The following COL28A1 variants were observed in gnomAD, a reference collection of about 807,000 sequenced individuals.
COL28A1 encodes collagen alpha-1(XXVIII) chain.
COL28A1 carries 161 observed loss-of-function variants against 150.2 expected under a neutral mutation model. That is an observed-to-expected ratio of 1.07 (90% CI 0.94 to 1.22). COL28A1 has a LOEUF of 1.22. COL28A1 is among the 50% of genes most tolerant of loss of function. COL28A1 has a pLI of 0.00. For synonymous variants in COL28A1, 552 were observed against 469.7 expected (o/e 1.18, Z -2.26); for missense variants, 1,617 against 1,388.3 (o/e 1.16, Z -2.62).
rs533343862 is a variant in COL28A1 at position 7,409,164 on chromosome 7, G to T, written c.2136+8695C>A. Among the ~76,000 whole-genome samples, 4 of 152,246 alleles carry T rather than the reference G, an allele frequency of 2.6e-5. No individual in the cohort carries two copies. In the South Asian group the frequency reaches 8.3e-4, roughly 32 times the overall value. On this transcript the variant is annotated intron_variant, in intron 27 of 34. Coordinates refer to ENST00000399429, the MANE Select transcript of COL28A1 (RefSeq NM_001037763.3). ...AAAATACCTCTTACCTTGCTAAAAG[G>T]AGATGGAGAAAAATTTATACTAGTA...
At chr7:7,538,243 T>G (rs1487356193), upstream of COL28A1, among the ~76,000 whole-genome samples, 1 of 152,202 alleles carries the variant, frequency 6.6e-6, no homozygotes, top group Non-Finnish European at 1.5e-5. Context: ...CAGATGGTCT[T>G]GAATTAGTAT....
At chr7:7,478,815 C>T (rs1385838057) in intron 13 of COL28A1, among the ~76,000 whole-genome samples, 1 of 152,256 alleles carries the variant, frequency 6.6e-6, no homozygotes, top group Admixed American at 6.5e-5. Flanking sequence ...CCCGGGGCGG[C>T]AGGGCCAGTC....
At chr7:7,436,193 AC>A (rs1785329037) in intron 23 of COL28A1, among the ~76,000 whole-genome samples, 1 of 152,242 alleles carries the variant, frequency 6.6e-6, no homozygotes, top group Non-Finnish European at 1.5e-5. Flanking sequence ...CAAAAATTTA[AC>A]CATAAGAGCT....
rs1355740575 is a variant in COL28A1 at position 7,397,608 on chromosome 7, G to A, written c.2137-15996C>T. 3.3e-5 allele frequency among the ~76,000 whole-genome samples: 5 copies of A among 152,154 alleles called. No individual in the cohort carries two copies. The East Asian group carries it at 7.7e-4, about 23-fold the overall frequency. On this transcript the variant is annotated intron_variant, in intron 27 of 34. Transcript: ENST00000399429. The stretch of plus-strand genomic sequence containing the variant: ...GCAAGTTAACTTAATTTGCACTCTA[G>A]GGATGCTAAGTTAACACTTGAAATA...
At chr7:7,453,562 C>T in intron 16 of COL28A1, 54 bp from the exon 17 acceptor site, 1 of 830,060 alleles carries the variant, frequency 1.2e-6, no homozygotes, top group South Asian at 1.4e-5. Context: ...AGTTTCAAAT[C>T]CTCTAAAGTG....
At chr7:7,538,966 T>C (rs76801874), upstream of COL28A1, among the ~76,000 whole-genome samples, 13 of 152,306 alleles carry the variant, frequency 8.5e-5, no homozygotes, top group East Asian at 2.3e-3. Flanking sequence ...TTTTTTCTTT[T>C]TCTTTCTTTC....
chr7:7,452,392 T>G lies in COL28A1; in HGVS notation c.1441-5A>C. 2 of 1,592,274 alleles carry G rather than the reference T, an allele frequency of 1.3e-6. No homozygotes were observed. The highest frequency in any genetic ancestry group is 1.4e-5 in the African/African-American group (1 of 73,360). Reference sequence around the variant, plus strand: ...TCCCATTTGGCCTACTTCTCCCTAGTAAGAAAAGAGTTTAATACAGCAGCA... The same window carrying G: ...TCCCATTTGGCCTACTTCTCCCTAGGAAGAAAAGAGTTTAATACAGCAGCA... On this transcript the variant is annotated splice_polypyrimidine_tract_variant and splice_region_variant and intron_variant, in intron 17 of 34. Transcript: ENST00000399429.
intron 30 of COL28A1, among the ~76,000 whole-genome samples, chr7:7,376,508 G>C (rs1219839660): frequency 6.6e-6 from 1 of 152,050 alleles, no homozygotes; most frequent in East Asian, 1.9e-4. Context: ...GCAGTGCTGA[G>C]TTATATAATA....
chr7:7,522,875 A>T (rs987086627), intron 4 of COL28A1, among the ~76,000 whole-genome samples: 2 of 149,106 alleles, frequency 1.3e-5, no homozygotes, highest in East Asian at 4.0e-4. Context: ...TAAAAAGTTT[A>T]TAAATTTGTG....
rs1183567971 is a variant in COL28A1 at position 7,437,442 on chromosome 7, G to T, written c.1743C>A (p.Gly581=). 6.2e-7 allele frequency: 1 copy of T among 1,613,420 alleles called. No individual in the cohort carries two copies. Among genetic ancestry groups the T allele is most frequent in the Admixed American group, 1.7e-5 (1 of 59,962 alleles). ...EGPKGEPGIM[G]PFGMPGTSIP... is the part of the protein sequence containing the mutation. ...TTGATGTTCCAGGCATTCCAAAAGG[G>T]CCCATAATGCCCGGTTCACCCTTAA... Residue 581 remains glycine (G), a synonymous_variant, in exon 22 of 35, where the codon GGC becomes GGA. Coordinates refer to ENST00000399429, the MANE Select transcript of COL28A1 (RefSeq NM_001037763.3).
chr7:7,525,595 A>G (rs1415939798), intron 3 of COL28A1, among the ~76,000 whole-genome samples: 1 of 152,260 alleles, frequency 6.6e-6, no homozygotes, highest in Non-Finnish European at 1.5e-5. Flanking sequence ...GATATTAAAA[A>G]TGCAGAAGCT....
chr7:7,531,405 A>T lies in COL28A1; in HGVS notation c.624T>A (p.Ser208Arg). The change falls in exon 3 of 35, where the codon AGT becomes AGA. Residue 208 changes from serine to arginine, a missense_variant. Transcript: ENST00000399429. ...KLRLISGDSS[S>R]EPTLLLSDPT... is the part of the protein sequence containing the mutation. ...GATCACTCAACAGTAAAGTGGGTTC[A>T]CTGGATGAATCCCCAGAAATCAAAC... 6.2e-7 allele frequency: 1 copy of T among 1,600,412 alleles called. No homozygotes were observed. The highest frequency in any genetic ancestry group is 1.1e-5 in the South Asian group (1 of 89,486).
chr7:7,443,521 A>T, intron 20 of COL28A1, 64 bp downstream of exon 20: 1 of 1,593,136 alleles, frequency 6.3e-7, no homozygotes, highest in Non-Finnish European at 8.5e-7. Context: ...ATTTCTTCTA[A>T]GTTGGCTCCT....
the COL28A1 span, among the ~76,000 whole-genome samples, chr7:7,347,553 A>G: frequency 6.6e-6 from 1 of 152,130 alleles, no homozygotes; most frequent in Non-Finnish European, 1.5e-5. Context: ...TCACTGCCCC[A>G]GGTTGCAGTT....
chr7:7,387,316 A>G (rs73047834), intron 27 of COL28A1, among the ~76,000 whole-genome samples: 1 of 152,156 alleles, frequency 6.6e-6, no homozygotes, highest in Admixed American at 6.5e-5. Context: ...ACTGCATACT[A>G]AAAAGAGTAA....
upstream of COL28A1, among the ~76,000 whole-genome samples, chr7:7,540,665 C>A (rs1782768072): frequency 6.6e-6 from 1 of 152,158 alleles, no homozygotes; most frequent in African/African-American, 2.4e-5. Context: ...AAAAAGGAAG[C>A]TGTATGGCTA....
rs1162212908 is a variant in COL28A1, at chr7:7,417,870, G to A, written c.2125C>T (p.Gln709Ter). The change falls in exon 27 of 35, where the codon CAG (glutamine) becomes TAG (stop). Residue 709 changes from glutamine to a stop codon, truncating the protein, a stop_gained. Coordinates refer to ENST00000399429, the MANE Select transcript of COL28A1 (RefSeq NM_001037763.3). LOFTEE classifies it high-confidence loss of function. ...GPPGPPGYGS[Q>*]GIKGEQGPQG... is the part of the protein sequence containing the mutation. ...CCCTATTCACTTACTTTAATTCCCT[G>A]TGATCCATAGCCAGGGGGGCCAGGA... The A allele has an allele frequency of 1.9e-6, 3 of 1,613,246 alleles. No homozygotes were observed. The highest frequency in any genetic ancestry group is 2.2e-5 in the East Asian group (1 of 44,844).
intron 25 of COL28A1, among the ~76,000 whole-genome samples, chr7:7,421,078 A>T (rs1273637224): frequency 1.3e-5 from 2 of 152,270 alleles, no homozygotes; most frequent in African/African-American, 2.4e-5. Flanking sequence ...ATCCAAAACT[A>T]GAAACAGCCT....
At chr7:7,534,891 C>T (rs542795669) in intron 1 of COL28A1, among the ~76,000 whole-genome samples, 1 of 152,112 alleles carries the variant, frequency 6.6e-6, no homozygotes, top group Non-Finnish European at 1.5e-5. Context: ...TTCTGTTTCC[C>T]TATTGTAGCC....
Sources: allele counts gnomAD v4.1 joint callset (sites outside exome capture counted in the v4.1 genomes callset), GRCh38; gene constraint gnomAD v4.1.1; transcripts MANE v1.5; gene names NCBI Gene and HGNC (gene_info 2026-07-23, HGNC 2026-07-21).